Variants in CNOT1 observed in about 807,000 individuals in gnomAD.
CNOT1 encodes the protein CCR4-NOT transcription complex subunit 1, also known as CCR4-associated factor 1.
A neutral mutation model predicts 273.8 loss-of-function variants in CNOT1; 15 were observed. That is an observed-to-expected ratio of 0.05 (90% CI 0.04 to 0.08). The LOEUF is 0.08. Among genes scored for constraint, CNOT1 ranks in the 10% least tolerant of loss-of-function variants. CNOT1 has a pLI of 1.00. For synonymous variants in CNOT1, 1,022 were observed against 1,005.5 expected, an observed-to-expected ratio of 1.02 and a Z score of -0.31; for missense variants, 1,644 against 2,912.2, an observed-to-expected ratio of 0.56 and a Z score of 10.02.
At chr16:58,542,698 T>C in intron 31 of CNOT1, 130 bp from the exon 32 acceptor site, 3 of 1,347,860 alleles carry the variant, frequency 2.2e-6, no homozygotes, top group Middle Eastern at 2.7e-4. Flanking sequence ...ACTCTACTTA[T>C]GAACAAGCTG....
chr16:58,542,127 A>G, intron 33 of CNOT1, 104 bp downstream of exon 33: 1 of 1,362,602 alleles, frequency 7.3e-7, no homozygotes, highest in Admixed American at 2.4e-5. Context: ...TCTCATAAAC[A>G]ATATTTAACC....
At chr16:58,574,255 G>A (rs565292140) in intron 16 of CNOT1, among the ~76,000 whole-genome samples, 11 of 151,988 alleles carry the variant, frequency 7.2e-5, no homozygotes, top group African/African-American at 2.7e-4. Context: ...CAGCCTAGTC[G>A]ACAGCAAGAC....
chr16:58,540,827 C>T (rs532893876), intron 34 of CNOT1, among the ~76,000 whole-genome samples: 16 of 152,294 alleles, frequency 1.1e-4, no homozygotes, highest in Non-Finnish European at 1.0e-4. Flanking sequence ...AACTTACTAT[C>T]GACCGGTTCG....
At chr16:58,560,413 A>G (rs1159824360) in intron 16 of CNOT1, 51 bp from the exon 17 acceptor site, 1 of 1,575,666 alleles carries the variant, frequency 6.3e-7, no homozygotes, top group Non-Finnish European at 8.6e-7. Context: ...TCTCTAGCAC[A>G]TGTAAGTAAA....
At chr16:58,536,660 C>T (rs1332907924) in intron 39 of CNOT1, among the ~76,000 whole-genome samples, 1 of 151,824 alleles carries the variant, frequency 6.6e-6, no homozygotes, top group East Asian at 1.9e-4. Context: ...GAGAATTTTA[C>T]ATATTTATTA....
chr16:58,611,665 AC>A (rs2042905412), intron 1 of CNOT1, among the ~76,000 whole-genome samples: 1 of 151,364 alleles, frequency 6.6e-6, no homozygotes, highest in Non-Finnish European at 1.5e-5. Flanking sequence ...TACTAAAAAT[AC>A]AAAAATTAGC....
intron 43 of CNOT1, among the ~76,000 whole-genome samples, chr16:58,529,852 A>T (rs1467722361): frequency 1.1e-5 from 1 of 88,792 alleles, no homozygotes; most frequent in African/African-American, 6.2e-5. Flanking sequence ...AAAAAAAAAA[A>T]AAAAAAAAAA....
intron 1 of CNOT1, among the ~76,000 whole-genome samples, chr16:58,627,235 T>C (rs563478955): frequency 7.8e-4 from 119 of 151,832 alleles, no homozygotes; most frequent in Non-Finnish European, 1.4e-3. Flanking sequence ...GGTGAAACCC[T>C]GTCTCTATTA....
intron 43 of CNOT1, among the ~76,000 whole-genome samples, chr16:58,529,479 T>G (rs185849649): frequency 6.6e-6 from 1 of 152,064 alleles, no homozygotes; most frequent in East Asian, 1.9e-4. Context: ...GCCAAAAGAC[T>G]GGAAGAGGAG....
chr16:58,616,906 A>T (rs2043107744), intron 1 of CNOT1, among the ~76,000 whole-genome samples: 1 of 152,200 alleles, frequency 6.6e-6, no homozygotes, highest in South Asian at 2.1e-4. Flanking sequence ...AGAATAAGTA[A>T]ATCTAAAGTG....
Position 58,558,590 on chromosome 16 carries a change from T to C in CNOT1, c.2215A>G (p.Asn739Asp). 6.2e-7 allele frequency: 1 copy of C among 1,613,166 alleles called. No individual in the cohort carries two copies. Among genetic ancestry groups the C allele is most frequent in the Non-Finnish European group, 8.5e-7 (1 of 1,179,632 alleles). Residue 739 changes from asparagine to aspartate, a missense_variant, in exon 18 of 49, where the codon AAT (asparagine) becomes GAT (aspartate). This residue lies in a region of CNOT1 where 706 missense variants were observed against 1,021.2 expected (regional missense o/e 0.69). Transcript: ENST00000317147. ...GGGGTACTGAATGCAGAACCCAAAT[T>C]TGGAGGAAAACCCTGCATACTCTGG... is the stretch of plus-strand genomic sequence containing the variant. Reference protein sequence around the residue: ...HTQSMQGFPPNLGSAFSTPQS... With the variant: ...HTQSMQGFPPDLGSAFSTPQS...
At chr16:58,621,439 A>G (rs2152049890) in intron 1 of CNOT1, among the ~76,000 whole-genome samples, 1 of 151,458 alleles carries the variant, frequency 6.6e-6, no homozygotes, top group Admixed American at 6.6e-5. Context: ...ACGCCCAACT[A>G]ATTTTGTATT....
At chr16:58,629,026 G>C (rs1311334060) in intron 1 of CNOT1, among the ~76,000 whole-genome samples, 1 of 152,260 alleles carries the variant, frequency 6.6e-6, no homozygotes, top group Non-Finnish European at 1.5e-5. Flanking sequence ...CACTACTGCA[G>C]ACACCGGACC....
chr16:58,592,143 T>C (rs1237849552), intron 2 of CNOT1, among the ~76,000 whole-genome samples: 1 of 152,164 alleles, frequency 6.6e-6, no homozygotes, highest in Non-Finnish European at 1.5e-5. Flanking sequence ...ATGGTTTCTA[T>C]TTTAAGCAAA....
intron 13 of CNOT1, among the ~76,000 whole-genome samples, chr16:58,577,254 T>C (rs1212850282): frequency 6.6e-6 from 1 of 152,202 alleles, no homozygotes; most frequent in Admixed American, 6.5e-5. Context: ...TGGCAGATGG[T>C]CTGCTAGAAC....
chr16:58,535,553 T>A (rs2039900596), intron 39 of CNOT1, among the ~76,000 whole-genome samples: 1 of 152,130 alleles, frequency 6.6e-6, no homozygotes, highest in Non-Finnish European at 1.5e-5. Flanking sequence ...ATAGCAATGA[T>A]CAGAAAGACC....
intron 1 of CNOT1, among the ~76,000 whole-genome samples, chr16:58,606,752 T>C (rs750724471): frequency 6.6e-6 from 1 of 151,144 alleles, no homozygotes; most frequent in African/African-American, 2.4e-5. Flanking sequence ...TGCAGTGAGC[T>C]GAGATCAAAC....
At chr16:58,591,953 A>T (rs974290351) in intron 2 of CNOT1, among the ~76,000 whole-genome samples, 2 of 152,034 alleles carry the variant, frequency 1.3e-5, no homozygotes, top group African/African-American at 4.8e-5. Context: ...TGTCCCTCCT[A>T]ATATGTGGCT....
At chr16:58,565,225 A>G (rs2040998968) in intron 16 of CNOT1, among the ~76,000 whole-genome samples, 1 of 151,968 alleles carries the variant, frequency 6.6e-6, no homozygotes, top group African/African-American at 2.4e-5. Flanking sequence ...TGATCCTCCA[A>G]CCTCAGCCTC....
Sources: allele counts gnomAD v4.1 joint callset (sites outside exome capture counted in the v4.1 genomes callset), GRCh38; gene constraint gnomAD v4.1.1; regional missense constraint gnomAD v4.1.1; transcripts MANE v1.5; gene names NCBI Gene and HGNC (gene_info 2026-07-23, HGNC 2026-07-21).